Variants in CTNNA3 observed in about 807,000 individuals in gnomAD.
CTNNA3 encodes the protein catenin alpha-3.
In CTNNA3, 76 loss-of-function variants were observed where a neutral mutation model predicts 95.7. The observed-to-expected ratio is 0.79, with a 90% CI of 0.66 to 0.96. The LOEUF (loss-of-function observed/expected upper bound fraction) is 0.96. CTNNA3 is among the 40% of genes least tolerant of loss of function. The pLI, the probability that CTNNA3 is intolerant of heterozygous loss-of-function variation, is 0.00. For synonymous variants in CTNNA3, 431 were observed against 374.4 expected, an observed-to-expected ratio of 1.15 and a Z score of -1.74; for missense variants, 1,191 against 1,089.8, an observed-to-expected ratio of 1.09 and a Z score of -1.31.
chr10:67,423,403 A>G (rs964405542), intron 5 of CTNNA3, among the ~76,000 whole-genome samples: 4 of 152,148 alleles, frequency 2.6e-5, no homozygotes, highest in African/African-American at 4.8e-5. Context: ...GGTAATTATC[A>G]GCTAATAAAA....
At chr10:67,642,460 G>T (rs990202783) in intron 2 of CTNNA3, among the ~76,000 whole-genome samples, 1 of 152,170 alleles carries the variant, frequency 6.6e-6, no homozygotes, top group Non-Finnish European at 1.5e-5. Context: ...GCTCATGCCT[G>T]CAATCCCAGC....
chr10:66,839,250 T>G (rs1842971904), intron 7 of CTNNA3, among the ~76,000 whole-genome samples: 1 of 152,286 alleles, frequency 6.6e-6, no homozygotes, highest in Non-Finnish European at 1.5e-5. Flanking sequence ...CAGTGACCAC[T>G]GCTGATTACC....
At chr10:66,719,543 C>T (rs1286795756) in intron 9 of CTNNA3, among the ~76,000 whole-genome samples, 1 of 152,172 alleles carries the variant, frequency 6.6e-6, no homozygotes, top group East Asian at 1.9e-4. Context: ...CACTGTGTAG[C>T]AGCTTCTGCA....
chr10:66,970,911 A>C (rs2132825170), intron 7 of CTNNA3, among the ~76,000 whole-genome samples: 1 of 152,294 alleles, frequency 6.6e-6, no homozygotes, highest in East Asian at 1.9e-4. Flanking sequence ...TTCAAGCAAG[A>C]AAATTCCCTC....
chr10:66,987,725 T>C (rs1464388872), intron 7 of CTNNA3, among the ~76,000 whole-genome samples: 4 of 152,208 alleles, frequency 2.6e-5, no homozygotes, highest in Admixed American at 6.6e-5. Context: ...TAAGGTAAGA[T>C]GCTGGCAAAA....
At chr10:66,957,463 T>G (rs1848883238) in intron 7 of CTNNA3, among the ~76,000 whole-genome samples, 1 of 110,628 alleles carries the variant, frequency 9.0e-6, no homozygotes, top group African/African-American at 3.7e-5. Context: ...TATGCATATA[T>G]ATATATGTTT....
chr10:66,930,883 G>A (rs546173710), intron 7 of CTNNA3, among the ~76,000 whole-genome samples: 1 of 152,166 alleles, frequency 6.6e-6, no homozygotes, highest in African/African-American at 2.4e-5. Flanking sequence ...TGGGAAAAAA[G>A]TTCTTTCTTT....
intron 5 of CTNNA3, among the ~76,000 whole-genome samples, chr10:67,268,212 A>C (rs1370688608): frequency 6.6e-6 from 1 of 151,924 alleles, no homozygotes; most frequent in Non-Finnish European, 1.5e-5. Flanking sequence ...ATGCTTGTAA[A>C]GTCAGTATTT....
At chr10:66,032,612 G>A (rs1449564268) in intron 15 of CTNNA3, among the ~76,000 whole-genome samples, 2 of 152,104 alleles carry the variant, frequency 1.3e-5, no homozygotes, top group Non-Finnish European at 1.5e-5. Flanking sequence ...TATGTTGTAT[G>A]CCAGATATTT....
At chr10:66,946,726 A>T (rs896335459) in intron 7 of CTNNA3, among the ~76,000 whole-genome samples, 1 of 152,144 alleles carries the variant, frequency 6.6e-6, no homozygotes, top group African/African-American at 2.4e-5. Context: ...GTAGAACTAC[A>T]TATTTCTCAT....
intron 7 of CTNNA3, among the ~76,000 whole-genome samples, chr10:67,056,090 C>T (rs1589671567): frequency 6.6e-6 from 1 of 152,048 alleles, no homozygotes; most frequent in Non-Finnish European, 1.5e-5. Flanking sequence ...AACAATGTCA[C>T]GTTTTTATGT....
intron 9 of CTNNA3, among the ~76,000 whole-genome samples, chr10:66,623,692 G>T (rs1454479094): frequency 1.4e-5 from 2 of 148,006 alleles, no homozygotes; most frequent in African/African-American, 4.9e-5. Flanking sequence ...TACCAGAACT[G>T]TTCTGTCAAA....
intron 9 of CTNNA3, among the ~76,000 whole-genome samples, chr10:66,696,231 C>T (rs1247004417): frequency 1.3e-5 from 2 of 152,042 alleles, no homozygotes; most frequent in Non-Finnish European, 1.5e-5. Flanking sequence ...ATTTTCTAAC[C>T]GTTTTTTAGA....
rs1176919938 is a variant in CTNNA3 at position 67,538,157 on chromosome 10, T to TAAAAAAAAA, written c.459+1337_459+1345dup. On this transcript the variant is annotated intron_variant, in intron 4 of 17. Coordinates refer to ENST00000433211, the MANE Select transcript of CTNNA3 (RefSeq NM_013266.4). ...CCCTTTCCTAAAAAGCTACTTAAAC[T>TAAAAAAAAA]AAAAAAAAAAAAAAAAAAAAAAAGG... is the stretch of plus-strand genomic sequence containing the variant. 4.8e-3 allele frequency among the ~76,000 whole-genome samples: 284 copies of TAAAAAAAAA among 59,140 alleles called. 16 individuals are homozygous for TAAAAAAAAA. Among genetic ancestry groups the TAAAAAAAAA allele is most frequent in the African/African-American group, 0.019 (259 of 13,784 alleles). The allele number at this position is 59,140 out of a possible 152,430, so 38.8% of individuals were successfully genotyped here.
rs375330795 is a variant in CTNNA3, at chr10:66,069,272, A to G, written c.2159+36T>C. 5.7e-6 allele frequency: 9 copies of G among 1,584,012 alleles called. No homozygotes were observed. In the South Asian group the frequency reaches 8.9e-5, roughly 16 times the overall value. On this transcript the variant is annotated intron_variant, in intron 15 of 17. Transcript: ENST00000433211. Reference sequence around the variant, plus strand: ...ACTAATATGACTAATATTTTCAGCCATTATGAATATTACACATCGTTTTCC... The same window carrying G: ...ACTAATATGACTAATATTTTCAGCCGTTATGAATATTACACATCGTTTTCC...
At chr10:66,454,537 A>T (rs1458027446) in intron 11 of CTNNA3, among the ~76,000 whole-genome samples, 1 of 152,122 alleles carries the variant, frequency 6.6e-6, no homozygotes, top group Non-Finnish European at 1.5e-5. Flanking sequence ...TTCAATTAAG[A>T]AGAAATATAT....
intron 1 of CTNNA3, among the ~76,000 whole-genome samples, chr10:67,691,873 G>A (rs546039564): frequency 9.1e-4 from 133 of 146,626 alleles, no homozygotes; most frequent in African/African-American, 3.0e-3. Context: ...CAGCTGCCCC[G>A]TCCGGGAGGG....
intron 5 of CTNNA3, among the ~76,000 whole-genome samples, chr10:67,515,239 A>G (rs1839775402): frequency 6.6e-6 from 1 of 152,250 alleles, no homozygotes; most frequent in African/African-American, 2.4e-5. Flanking sequence ...AAAGATCTGT[A>G]GTTTATGAAG....
chr10:66,687,505 T>C (rs575990875), intron 9 of CTNNA3, among the ~76,000 whole-genome samples: 1 of 152,282 alleles, frequency 6.6e-6, no homozygotes, highest in South Asian at 2.1e-4. Context: ...TACTAATATA[T>C]ACCTTATACT....
Sources: gnomAD v4.1 joint callset for allele counts (sites outside exome capture counted in the v4.1 genomes callset) on GRCh38, gnomAD v4.1.1 for gene constraint, MANE v1.5 for transcripts, NCBI Gene and HGNC (gene_info 2026-07-23, HGNC 2026-07-21) for gene names.